INSR: variants seen among roughly 807,000 people sequenced by gnomAD.
The protein encoded by INSR is insulin receptor, also known as IR.
Under a neutral mutation model 142.6 loss-of-function variants are expected in INSR, and 67 were observed. That is an observed-to-expected ratio of 0.47 (90% CI 0.39 to 0.58). The LOEUF is 0.58. INSR is among the 20% of genes least tolerant of loss of function. The pLI is 0.00. For synonymous variants in INSR, 756 were observed against 743.1 expected (o/e 1.02, Z -0.28); for missense variants, 1,248 against 1,833.2 (o/e 0.68, Z 5.83).
intron 11 of INSR, among the ~76,000 whole-genome samples, chr19:7,149,887 T>G (rs11882912): frequency 0.93 from 135,974 of 146,814 alleles, 62,863 homozygotes; most frequent in East Asian, 1. Flanking sequence ...AGGGAGGGAA[T>G]AAAGAAAAGA....
At chr19:7,269,337 CA>C (rs1967842839) in intron 1 of INSR, among the ~76,000 whole-genome samples, 1 of 147,862 alleles carries the variant, frequency 6.8e-6, no homozygotes, top group Admixed American at 6.8e-5. Flanking sequence ...GATCCTGGAT[CA>C]CATTCCATGC....
intron 3 of INSR, among the ~76,000 whole-genome samples, chr19:7,182,157 C>A (rs564672007): frequency 1.8e-4 from 27 of 151,744 alleles, no homozygotes; most frequent in African/African-American, 6.0e-4. Flanking sequence ...CATGATGAAA[C>A]CCGGTCTCTA....
intron 2 of INSR, among the ~76,000 whole-genome samples, chr19:7,245,218 G>A (rs1419984308): frequency 6.6e-6 from 1 of 152,112 alleles, no homozygotes. Context: ...TTACAGGCGT[G>A]AGCCACCGCG....
chr19:7,266,063 A>C (rs548481193), intron 2 of INSR, among the ~76,000 whole-genome samples: 83 of 152,216 alleles, frequency 5.5e-4, no homozygotes, highest in Non-Finnish European at 9.8e-4. Context: ...ATAAATAAAC[A>C]TGTTTTAAAA....
rs776263155 is a variant in INSR at position 7,152,890 on chromosome 19, G to A, written c.2067C>T (p.Phe689=). The part of the protein sequence containing the change: ...KLPSRTWSPP[F]ESEDSQKHNQ... ...TGTGCTTCTGAGAATCTTCAGACTC[G>A]AATGGTGGAGACCAGGTCCTCGAGG... is the stretch of plus-strand genomic sequence containing the variant. Residue 689 remains phenylalanine (F), a synonymous_variant, in exon 10 of 22, where the codon TTC becomes TTT. Transcript: ENST00000302850. The A allele has an allele frequency of 6.2e-7, 1 of 1,612,612 alleles. No homozygotes were observed. Among genetic ancestry groups the A allele is most frequent in the Non-Finnish European group, 8.5e-7 (1 of 1,179,834 alleles).
chr19:7,185,608 C>T (rs558946861), intron 2 of INSR, among the ~76,000 whole-genome samples: 6 of 151,918 alleles, frequency 3.9e-5, no homozygotes, highest in South Asian at 2.1e-4. Context: ...TTTGGGAGGT[C>T]GAGGCGGGTG....
At chr19:7,270,970 G>GC (rs1455663835) in intron 1 of INSR, among the ~76,000 whole-genome samples, 1 of 151,750 alleles carries the variant, frequency 6.6e-6, no homozygotes, top group East Asian at 1.9e-4. Context: ...GCCGAGGCAG[G>GC]AGAATGGCAT....
At chr19:7,139,217 G>A (rs1973009603) in intron 13 of INSR, among the ~76,000 whole-genome samples, 1 of 152,168 alleles carries the variant, frequency 6.6e-6, no homozygotes, top group Non-Finnish European at 1.5e-5. Flanking sequence ...CAGGACAAAG[G>A]AATCACCCAG....
At chr19:7,143,481 C>T (rs781447004) in intron 11 of INSR, among the ~76,000 whole-genome samples, 1 of 152,202 alleles carries the variant, frequency 6.6e-6, no homozygotes, top group Non-Finnish European at 1.5e-5. Flanking sequence ...GAAGCCCTGC[C>T]AAATGGCATT....
intron 13 of INSR, among the ~76,000 whole-genome samples, chr19:7,137,622 CATTAAAAATACAAATA>C (rs1292138827): frequency 6.6e-5 from 10 of 151,732 alleles, no homozygotes; most frequent in African/African-American, 2.4e-4. Context: ...ACCTCGTCTC[CATTAAAAATACAAATA>C]TTAGCTGGGT....
At chr19:7,289,628 A>G (rs1286914216) in intron 1 of INSR, among the ~76,000 whole-genome samples, 1 of 150,978 alleles carries the variant, frequency 6.6e-6, no homozygotes, top group Non-Finnish European at 1.5e-5. Context: ...GTGGTCTCAA[A>G]CTCCTGACCT....
chr19:7,215,217 A>T (rs189950593), intron 2 of INSR, among the ~76,000 whole-genome samples: 2 of 152,176 alleles, frequency 1.3e-5, no homozygotes, highest in Non-Finnish European at 2.9e-5. Flanking sequence ...GTGCTTGTTC[A>T]TGGAAGCACC....
At chr19:7,153,238 C>T (rs1973466630) in intron 9 of INSR, among the ~76,000 whole-genome samples, 2 of 107,830 alleles carry the variant, frequency 1.9e-5, no homozygotes, top group African/African-American at 3.5e-5. Context: ...ACACACACAC[C>T]ATACACGCAC....
intron 1 of INSR, among the ~76,000 whole-genome samples, chr19:7,272,599 CAG>C (rs1967957030): frequency 6.6e-6 from 1 of 152,050 alleles, no homozygotes. Context: ...GCCTGGGTGA[CAG>C]AGCAAAACTC....
At chr19:7,234,777 G>T (rs777009352) in intron 2 of INSR, among the ~76,000 whole-genome samples, 1 of 152,022 alleles carries the variant, frequency 6.6e-6, no homozygotes, top group South Asian at 2.1e-4. Context: ...AAATATTTCT[G>T]GGCCCGGCGC....
At chr19:7,288,903 T>C (rs1395023178) in intron 1 of INSR, among the ~76,000 whole-genome samples, 1 of 140,790 alleles carries the variant, frequency 7.1e-6, no homozygotes, top group African/African-American at 2.7e-5. Flanking sequence ...ACGGAGGTTG[T>C]AGTGAGCCAA....
At chr19:7,141,867 C>T (rs1020827609) in intron 12 of INSR, 51 bp from the exon 13 acceptor site, 2 of 1,460,900 alleles carry the variant, frequency 1.4e-6, no homozygotes, top group Non-Finnish European at 1.9e-6. Flanking sequence ...GATGAGATCC[C>T]ACTTCTGCCA....
At chr19:7,279,441 A>G (rs1366710232) in intron 1 of INSR, among the ~76,000 whole-genome samples, 1 of 151,118 alleles carries the variant, frequency 6.6e-6, no homozygotes, top group South Asian at 2.1e-4. Flanking sequence ...GAGAAATGGA[A>G]GAGAAGAGGG....
chr19:7,125,217 G>C lies in INSR; in HGVS notation c.3258+66C>G, dbSNP rs1477700798. The stretch of plus-strand genomic sequence containing the variant: ...CTGTGTCCTCTGTCGCTCTGTGCAG[G>C]AGGAGGAGGCAGAGAAAGGGAAGGG... On this transcript the variant is annotated intron_variant, in intron 17 of 21. Transcript: ENST00000302850. The surrounding 1 kb of genome is among the most constrained non-coding windows in gnomAD (Gnocchi z 4.9). 6.3e-7 allele frequency: 1 copy of C among 1,594,964 alleles called. No homozygotes were observed. Among genetic ancestry groups the C allele is most frequent in the African/African-American group, 1.3e-5 (1 of 74,496 alleles).
Sources: gnomAD v4.1 joint callset for allele counts (sites outside exome capture counted in the v4.1 genomes callset) on GRCh38, gnomAD v4.1.1 for gene constraint, Gnocchi (gnomAD v3.1) non-coding constraint, MANE v1.5 for transcripts, NCBI Gene and HGNC (gene_info 2026-07-23, HGNC 2026-07-21) for gene names.